Variants in BLTP3A observed in about 807,000 individuals in gnomAD.
The protein encoded by BLTP3A is ICBP90 binding protein 1.
chr6:34,871,156 T>C, the BLTP3A span: 1 of 1,584,054 alleles, frequency 6.3e-7, no homozygotes, highest in East Asian at 2.2e-5. Flanking sequence ...TAAGGGCACA[T>C]TGGTTTTTGC....
At chr6:34,794,045 A>G in the BLTP3A span, among the ~76,000 whole-genome samples, 1 of 152,100 alleles carries the variant, frequency 6.6e-6, no homozygotes, top group Non-Finnish European at 1.5e-5. Context: ...CTGTAATCCC[A>G]GCTACCTGGG....
At chr6:34,800,595 CAG>C in the BLTP3A span, among the ~76,000 whole-genome samples, 6 of 152,068 alleles carry the variant, frequency 3.9e-5, no homozygotes, top group South Asian at 1.2e-3. Flanking sequence ...GTTGTGAACA[CAG>C]ATATTAAAGT....
chr6:34,873,581 T>C, the BLTP3A span: 1 of 152,204 alleles, frequency 6.6e-6, no homozygotes, highest in East Asian at 1.9e-4. Context: ...TTTCCCCCTT[T>C]CTTTCCTTTG....
At chr6:34,797,871 G>A in the BLTP3A span, among the ~76,000 whole-genome samples, 4 of 152,178 alleles carry the variant, frequency 2.6e-5, no homozygotes, top group African/African-American at 7.2e-5. Flanking sequence ...CTTACCCAAA[G>A]TTGTAACTAG....
the BLTP3A span, among the ~76,000 whole-genome samples, chr6:34,805,159 T>A: frequency 6.6e-6 from 1 of 151,930 alleles, no homozygotes; most frequent in African/African-American, 2.4e-5. Context: ...CTGGGCATCG[T>A]GGCACACACC....
the BLTP3A span, among the ~76,000 whole-genome samples, chr6:34,811,751 C>T: frequency 2.0e-5 from 3 of 148,584 alleles, no homozygotes; most frequent in Non-Finnish European, 4.5e-5. Flanking sequence ...CCTGCCCACT[C>T]GGGAGGCTGA....
chr6:34,834,979 G>C, the BLTP3A span: 8 of 1,288,924 alleles, frequency 6.2e-6, no homozygotes, highest in Non-Finnish European at 7.5e-6. Flanking sequence ...GTTGAAGGGG[G>C]AAGGCCTGTA....
the BLTP3A span, chr6:34,870,933 T>C: frequency 1.2e-6 from 2 of 1,614,228 alleles, no homozygotes; most frequent in Non-Finnish European, 1.7e-6. Flanking sequence ...AGGTGGGGCC[T>C]GGAGCAGCTG....
the BLTP3A span, among the ~76,000 whole-genome samples, chr6:34,826,380 A>T: frequency 5.8e-5 from 8 of 137,330 alleles, no homozygotes; most frequent in Admixed American, 5.9e-4. Context: ...TTTTTTTGAG[A>T]CAAAGTTTTG....
At chr6:34,862,498 T>G in the BLTP3A span, among the ~76,000 whole-genome samples, 1 of 152,066 alleles carries the variant, frequency 6.6e-6, no homozygotes, top group Non-Finnish European at 1.5e-5. Context: ...TAACAGTCTG[T>G]GCTTCTTAAT....
At chr6:34,865,381 T>C in the BLTP3A span, among the ~76,000 whole-genome samples, 1 of 152,364 alleles carries the variant, frequency 6.6e-6, no homozygotes, top group African/African-American at 2.4e-5. Context: ...GATTTCCCTC[T>C]CATAAGGCTG....
the BLTP3A span, among the ~76,000 whole-genome samples, chr6:34,804,346 T>C: frequency 3.3e-5 from 5 of 152,182 alleles, no homozygotes; most frequent in Non-Finnish European, 5.9e-5. Context: ...TTATTGCCCA[T>C]CTGCCATTGG....
the BLTP3A span, among the ~76,000 whole-genome samples, chr6:34,835,827 C>CA: frequency 6.6e-6 from 1 of 152,268 alleles, no homozygotes; most frequent in Middle Eastern, 3.4e-3. Context: ...CATCTCACTA[C>CA]ATAGGCTGAA....
chr6:34,864,277 CTAA>C, the BLTP3A span: 1 of 1,332,082 alleles, frequency 7.5e-7, no homozygotes, highest in Non-Finnish European at 1.0e-6. Flanking sequence ...ACTGGCAGGG[CTAA>C]AGAGGAGCTG....
At chr6:34,855,555 T>C in the BLTP3A span, 1 of 1,587,924 alleles carries the variant, frequency 6.3e-7, no homozygotes, top group Non-Finnish European at 8.6e-7. Context: ...CTGCATGCTT[T>C]AGGTGGTGGT....
chr6:34,862,512 TTC>T, the BLTP3A span, among the ~76,000 whole-genome samples: 2 of 151,990 alleles, frequency 1.3e-5, no homozygotes, highest in African/African-American at 2.4e-5. Context: ...TCTTAATAGT[TTC>T]TCTCTCAGAA....
At chr6:34,798,594 C>CTTTTTTTTTTTTTTTTTTTTTTT in the BLTP3A span, among the ~76,000 whole-genome samples, 87 of 94,474 alleles carry the variant, frequency 9.2e-4, no homozygotes, top group African/African-American at 1.2e-3. Context: ...TTCTTTCTTT[C>CTTTTTTTTTTTTTTTTTTTTTTT]TTTTTTTTTT....
At chr6:34,858,978 C>T in the BLTP3A span, 2 of 1,614,118 alleles carry the variant, frequency 1.2e-6, no homozygotes, top group Admixed American at 1.7e-5. Context: ...TTGGAGTTCT[C>T]TTTCCCAGTG....
chr6:34,792,313 GC>G, the BLTP3A span: 11 of 1,538,422 alleles, frequency 7.2e-6, no homozygotes, highest in South Asian at 2.4e-5. Flanking sequence ...GCCAGCGCCG[GC>G]CCCCGGCGGT....
Sources: gnomAD v4.1 joint callset for allele counts (sites outside exome capture counted in the v4.1 genomes callset) on GRCh38, gnomAD v4.1.1 for gene constraint, MANE v1.5 for transcripts, NCBI Gene and HGNC (gene_info 2026-07-23, HGNC 2026-07-21) for gene names.